Variants in KIF17 observed in about 807,000 individuals in gnomAD.
KIF17 encodes kinesin family member 17, also known as kinesin-like protein KIF17.
Under a neutral mutation model 96.8 loss-of-function variants are expected in KIF17, and 80 were observed. The ratio of observed to expected loss-of-function variants is 0.83; its 90% CI spans 0.69 to 1.00. KIF17 has a LOEUF of 1.00. KIF17 is among the 50% of genes least tolerant of loss of function. The pLI is 0.00. For synonymous variants in KIF17, 567 were observed against 587.5 expected, an observed-to-expected ratio of 0.97 and a Z score of 0.51; for missense variants, 1,280 against 1,372.9, an observed-to-expected ratio of 0.93 and a Z score of 1.07.
chr1:20,671,375 G>A (rs939694469), intron 12 of KIF17, among the ~76,000 whole-genome samples: 8 of 152,170 alleles, frequency 5.3e-5, no homozygotes, highest in Admixed American at 3.9e-4. Flanking sequence ...TTGTTACCCA[G>A]GCTGGAGTGC....
intron 6 of KIF17, among the ~76,000 whole-genome samples, chr1:20,696,675 C>A (rs1192025506): frequency 6.6e-6 from 1 of 152,068 alleles, no homozygotes; most frequent in Non-Finnish European, 1.5e-5. Context: ...AGGAAGCCTC[C>A]GTCCCCGTCC....
downstream of KIF17, among the ~76,000 whole-genome samples, chr1:20,662,300 AG>A (rs2053447841): frequency 1.3e-5 from 2 of 152,168 alleles, no homozygotes; most frequent in Admixed American, 6.5e-5. Flanking sequence ...TTTGTCCACC[AG>A]GGGTTTAAGT....
chr1:20,689,126 C>T (rs937430215), intron 7 of KIF17, among the ~76,000 whole-genome samples: 1 of 152,264 alleles, frequency 6.6e-6, no homozygotes, highest in South Asian at 2.1e-4. Flanking sequence ...TCCTACCTCG[C>T]TGGACTGGGG....
Position 20,717,847 on chromosome 1 carries a change from G to T in KIF17, c.-141C>A. ...CAGGGGCGGGGCCGCGGCGGGGGGC[G>T]GGGACCCCTCGGGGGGCGCCCCGGA... On this transcript the variant is annotated 5_prime_UTR_variant, in exon 1 of 15. Transcript: ENST00000400463. 2 of 701,484 alleles carry T rather than the reference G, an allele frequency of 2.9e-6. No homozygotes were observed. Among genetic ancestry groups the T allele is most frequent in the Non-Finnish European group, 3.5e-6 (2 of 571,006 alleles). The allele number at this position is 701,484 out of a possible 1,614,324, so 43.5% of individuals were successfully genotyped here.
intron 5 of KIF17, among the ~76,000 whole-genome samples, chr1:20,701,756 C>T (rs2054240408): frequency 6.6e-6 from 1 of 152,100 alleles, no homozygotes; most frequent in South Asian, 2.1e-4. Flanking sequence ...TGAGGCCTGC[C>T]CCAGGACAGT....
chr1:20,695,810 A>G (rs747575069), intron 6 of KIF17, among the ~76,000 whole-genome samples: 1 of 151,900 alleles, frequency 6.6e-6, no homozygotes, highest in Non-Finnish European at 1.5e-5. Context: ...TCTACAACAC[A>G]TGCTCTCTTA....
chr1:20,707,785 G>GTA (rs1467130987), intron 4 of KIF17, among the ~76,000 whole-genome samples: 4 of 82,228 alleles, frequency 4.9e-5, no homozygotes, highest in African/African-American at 1.7e-4. Context: ...AAACCAATGT[G>GTA]TATGTGTGTG....
chr1:20,684,526 T>TG (rs2053898314), intron 10 of KIF17, among the ~76,000 whole-genome samples: 1 of 152,102 alleles, frequency 6.6e-6, no homozygotes, highest in African/African-American at 2.4e-5. Context: ...GCCAGGGGGC[T>TG]GGGGGCTTGG....
At position 20,717,910 on chromosome 1, in the gene KIF17, C is replaced by A. The variant is rs1362655099; in HGVS notation, c.-204G>T. 22 of 216,666 alleles carry A rather than the reference C, an allele frequency of 1.0e-4. No homozygotes were observed. The highest frequency in any genetic ancestry group is 4.7e-4 in the African/African-American group (20 of 42,802). The allele number at this position is 216,666 out of a possible 1,614,324, so 13.4% of individuals were successfully genotyped here. ...GTCGCAGGACCCGAGCCGGGGCCGC[C>A]GCTTCCTCCCGCGCCCGGGCTCGCC... On this transcript the variant is annotated 5_prime_UTR_variant, in exon 1 of 15. Transcript: ENST00000400463.
chr1:20,700,881 GC>G lies in KIF17; in HGVS notation c.1124-2394del, dbSNP rs936964588. Among the ~76,000 whole-genome samples the G allele has an allele frequency of 2.2e-4, 34 of 152,244 alleles. No homozygotes were observed. Among genetic ancestry groups the G allele is most frequent in the South Asian group, 4.1e-4 (2 of 4,826 alleles). ...GGCCAGGCAGAGACAACCAGGAACA[GC>G]CCCTCAACCCCAACGCCCACCAGAA... is the stretch of plus-strand genomic sequence containing the variant. On this transcript the variant is annotated intron_variant, in intron 5 of 14. Coordinates refer to ENST00000400463, the MANE Select transcript of KIF17 (RefSeq NM_001122819.3). This position sits in a 1 kb window ranked among gnomAD's most constrained non-coding sequence, Gnocchi z 4.6.
Position 20,704,799 on chromosome 1 carries a change from G to T in KIF17, c.771C>A (p.Leu257=). 1 of 1,609,450 alleles carries T rather than the reference G, an allele frequency of 6.2e-7. No individual in the cohort carries two copies. The change falls in exon 5 of 15, where the codon CTC becomes CTA. Residue 257 remains leucine, a synonymous_variant. Coordinates refer to ENST00000400463, the MANE Select transcript of KIF17 (RefSeq NM_001122819.3). This position sits in a 1 kb window ranked among gnomAD's most constrained non-coding sequence, Gnocchi z 6.8. ...ACAGGTTGATCTTGGTGGCCTCCTT[G>T]AGCCGCTCGCCCGTGGCCCCGGTCT... ...QSKTGATGER[L]KEATKINLSL...
intron 3 of KIF17, among the ~76,000 whole-genome samples, chr1:20,712,754 T>A (rs2054482253): frequency 6.5e-5 from 2 of 30,620 alleles, no homozygotes; most frequent in African/African-American, 9.4e-5. Flanking sequence ...TATATAAAAT[T>A]ATATTATATC....
At chr1:20,713,595 C>T (rs41307866) in intron 2 of KIF17, 40 bp from the exon 3 acceptor site, 135,982 of 1,465,038 alleles carry the variant, frequency 0.093, 7,767 homozygotes, top group East Asian at 0.27. Flanking sequence ...CCTCAGAGCT[C>T]GAAGTCCACC....
chr1:20,713,945 C>T (rs1189745608), intron 2 of KIF17, among the ~76,000 whole-genome samples: 1 of 151,698 alleles, frequency 6.6e-6, no homozygotes, highest in African/African-American at 2.4e-5. Context: ...CCAGCACTTT[C>T]GGAGGCCTAG....
At position 20,682,729 on chromosome 1, in the gene KIF17, A is replaced by G. The variant is rs781115691; in HGVS notation, c.2387T>C (p.Val796Ala). ...QNSDEDSGDW[V>A]LLNVYDSIQE... ...GATGGAGTCGTAGACGTTAAGCAGC[A>G]CCCAGTCCCCGCTGTCCTCATCCGA... Residue 796 changes from valine (V) to alanine (A), a missense_variant, in exon 11 of 15, where the codon GTG (valine) becomes GCG (alanine). Physicochemically the swap from Val to Ala is moderately conservative, Grantham distance 64. Coordinates refer to ENST00000400463, the MANE Select transcript of KIF17 (RefSeq NM_001122819.3). 3.1e-6 allele frequency: 5 copies of G among 1,613,650 alleles called. No individual in the cohort carries two copies. Among genetic ancestry groups the G allele is most frequent in the Admixed American group, 1.7e-5 (1 of 60,018 alleles).
At chr1:20,673,703 G>A (rs1001945394) in intron 11 of KIF17, among the ~76,000 whole-genome samples, 13 of 151,660 alleles carry the variant, frequency 8.6e-5, no homozygotes, top group African/African-American at 2.9e-4. Flanking sequence ...CTCATTTTTT[G>A]TATTTTTAGC....
intron 11 of KIF17, among the ~76,000 whole-genome samples, chr1:20,682,396 C>T (rs1451040821): frequency 6.6e-6 from 1 of 152,152 alleles, no homozygotes; most frequent in African/African-American, 2.4e-5. Context: ...TGGTGGTGCA[C>T]ATCTGTAGTC....
intron 14 of KIF17, 105 bp from the exon 15 acceptor site, chr1:20,664,867 C>A: frequency 9.3e-7 from 1 of 1,070,950 alleles, no homozygotes; most frequent in Non-Finnish European, 1.4e-6. Flanking sequence ...CACTCCCGCC[C>A]CCCTGCCCAG....
At chr1:20,694,429 C>T (rs1484775967) in intron 6 of KIF17, among the ~76,000 whole-genome samples, 2 of 152,140 alleles carry the variant, frequency 1.3e-5, no homozygotes, top group Non-Finnish European at 2.9e-5. Flanking sequence ...GCAACATATT[C>T]AGGCCTCTGA....
Sources: gnomAD v4.1 joint callset for allele counts (sites outside exome capture counted in the v4.1 genomes callset) on GRCh38, gnomAD v4.1.1 for gene constraint, Gnocchi (gnomAD v3.1) non-coding constraint, MANE v1.5 for transcripts, NCBI Gene and HGNC (gene_info 2026-07-23, HGNC 2026-07-21) for gene names.